EXOC6: variants seen among roughly 807,000 people sequenced by gnomAD.
EXOC6 encodes SEC15-like 1.
EXOC6 carries 60 observed loss-of-function variants against 112.5 expected under a neutral mutation model. The observed-to-expected ratio is 0.53, with a 90% CI of 0.43 to 0.66. EXOC6 has a LOEUF of 0.66. Ranked by LOEUF, EXOC6 falls within the 30% of genes least tolerant of loss-of-function variation. The pLI, the probability that EXOC6 is intolerant of heterozygous loss-of-function variation, is 0.00. For synonymous variants in EXOC6, 295 were observed against 308.0 expected, an observed-to-expected ratio of 0.96 and a Z score of 0.44; for missense variants, 855 against 957.1, an observed-to-expected ratio of 0.89 and a Z score of 1.41.
At chr10:92,946,522 C>G (rs1169854618) in intron 13 of EXOC6, among the ~76,000 whole-genome samples, 4 of 152,208 alleles carry the variant, frequency 2.6e-5, no homozygotes, top group African/African-American at 9.6e-5. Context: ...TAAGTGATCT[C>G]TCTGTGTTCA....
chr10:92,959,087 C>T (rs1294995023), intron 17 of EXOC6, among the ~76,000 whole-genome samples: 2 of 151,928 alleles, frequency 1.3e-5, no homozygotes, highest in Non-Finnish European at 2.9e-5. Flanking sequence ...AGTGAAACTC[C>T]GTCTCAAAAA....
upstream of EXOC6, chr10:92,848,483 C>T: frequency 7.9e-7 from 1 of 1,262,952 alleles, no homozygotes. Flanking sequence ...GAGCTCGCCC[C>T]CGTCGTTCCC....
intron 1 of EXOC6, among the ~76,000 whole-genome samples, chr10:92,853,063 A>C (rs188721584): frequency 6.6e-6 from 1 of 152,320 alleles, no homozygotes; most frequent in Admixed American, 6.5e-5. Flanking sequence ...AGGTTGTAGG[A>C]ATCAGGTGGA....
chr10:92,876,081 A>G (rs913724888), intron 1 of EXOC6, among the ~76,000 whole-genome samples: 18 of 152,152 alleles, frequency 1.2e-4, no homozygotes, highest in Admixed American at 1.3e-4. Flanking sequence ...TTATAATGTT[A>G]TAAGTACTCT....
At chr10:93,028,852 A>AG (rs985511597) in intron 20 of EXOC6, among the ~76,000 whole-genome samples, 1 of 151,800 alleles carries the variant, frequency 6.6e-6, no homozygotes, top group African/African-American at 2.4e-5. Flanking sequence ...AAAAAAAAAA[A>AG]AAGAATTTAG....
Position 92,946,133 on chromosome 10 carries a change from A to T in EXOC6, c.1311-2141A>T, listed in dbSNP as rs371834374. On this transcript the variant is annotated intron_variant, in intron 13 of 21. Coordinates refer to ENST00000260762, the MANE Select transcript of EXOC6 (RefSeq NM_019053.6). ...GTGGAACCCCGTCTCTACTAAAAAA[A>T]CAAAAAAAAAAAATTAGCTGGGCGT... 3.3e-5 allele frequency among the ~76,000 whole-genome samples: 5 copies of T among 151,740 alleles called. No homozygotes were observed. The East Asian group carries it at 9.7e-4, about 29-fold the overall frequency.
chr10:92,860,304 T>C (rs1847849696), intron 1 of EXOC6, among the ~76,000 whole-genome samples: 1 of 146,454 alleles, frequency 6.8e-6, no homozygotes, highest in East Asian at 2.1e-4. Context: ...CAGAGTCTTG[T>C]TCTGTAGCCC....
intron 19 of EXOC6, among the ~76,000 whole-genome samples, chr10:93,010,149 T>C (rs1391681576): frequency 2.0e-5 from 3 of 152,186 alleles, no homozygotes; most frequent in Admixed American, 2.0e-4. Context: ...TAGCATATCA[T>C]TACGAATGTC....
chr10:93,028,856 A>G (rs1261236746), intron 20 of EXOC6, among the ~76,000 whole-genome samples: 1 of 148,036 alleles, frequency 6.8e-6, no homozygotes, highest in African/African-American at 2.5e-5. Context: ...AAAAAAAAAG[A>G]ATTTAGAATA....
chr10:92,891,359 G>A (rs1243232187), intron 1 of EXOC6, among the ~76,000 whole-genome samples: 1 of 152,174 alleles, frequency 6.6e-6, no homozygotes, highest in Non-Finnish European at 1.5e-5. Flanking sequence ...AAGAGAATAT[G>A]TCCAAGATCA....
intron 1 of EXOC6, among the ~76,000 whole-genome samples, chr10:92,869,243 TCCTC>T (rs1848323406): frequency 6.6e-6 from 1 of 151,374 alleles, no homozygotes; most frequent in Non-Finnish European, 1.5e-5. Flanking sequence ...GCTTAAGTAA[TCCTC>T]CCTCCTTGGC....
rs933701489 is a variant in EXOC6 at position 92,946,726 on chromosome 10, A to C, written c.1311-1548A>C. ...ACTACTTGTGGTTTTACACCCCCCC[A>C]CACACTAACGCTCACTCCTTGTGCC... On this transcript the variant is annotated intron_variant, in intron 13 of 21. Coordinates refer to ENST00000260762, the MANE Select transcript of EXOC6 (RefSeq NM_019053.6). Among the ~76,000 whole-genome samples, 31 of 152,190 alleles carry C rather than the reference A, an allele frequency of 2.0e-4. No individual in the cohort carries two copies. The East Asian group carries it at 5.0e-3, about 25-fold the overall frequency.
chr10:92,958,277 GA>G (rs1408022558), intron 17 of EXOC6, among the ~76,000 whole-genome samples: 1 of 151,702 alleles, frequency 6.6e-6, no homozygotes, highest in African/African-American at 2.4e-5. Flanking sequence ...CAGTATAGAA[GA>G]AAAAAAATGG....
intron 17 of EXOC6, among the ~76,000 whole-genome samples, chr10:92,958,457 C>A (rs372591375): frequency 6.6e-6 from 1 of 152,164 alleles, no homozygotes; most frequent in Non-Finnish European, 1.5e-5. Context: ...AGAAGAAATG[C>A]ACTTCTGATT....
rs767750124 is a variant in EXOC6, at chr10:92,974,238, T to C, written c.1953+6T>C. On this transcript the variant is annotated splice_donor_region_variant and intron_variant, in intron 18 of 21. Coordinates refer to ENST00000260762, the MANE Select transcript of EXOC6 (RefSeq NM_019053.6). ...AAGTGTTTACTCATTTGCCTGTAAG[T>C]ATAAAAATTTTCAAAAATTGTTTTA... The C allele has an allele frequency of 6.6e-7, 1 of 1,525,060 alleles. No individual in the cohort carries two copies. The highest frequency in any genetic ancestry group is 8.7e-7 in the Non-Finnish European group (1 of 1,145,500). 94.5% of individuals were successfully genotyped at this position (1,525,060 alleles called of 1,614,324 possible).
chr10:92,963,094 T>C (rs1277232812), intron 17 of EXOC6, among the ~76,000 whole-genome samples: 2 of 152,222 alleles, frequency 1.3e-5, no homozygotes, highest in Non-Finnish European at 2.9e-5. Flanking sequence ...GCTGAAGTTA[T>C]ATTCAGACAT....
chr10:92,884,767 A>G (rs1020382074), intron 1 of EXOC6, among the ~76,000 whole-genome samples: 2 of 152,200 alleles, frequency 1.3e-5, no homozygotes, highest in African/African-American at 4.8e-5. Context: ...AAGATACCCA[A>G]AATAGTGTAA....
chr10:92,880,701 T>A (rs1240475636), intron 1 of EXOC6, among the ~76,000 whole-genome samples: 1 of 152,102 alleles, frequency 6.6e-6, no homozygotes, highest in African/African-American at 2.4e-5. Flanking sequence ...TTATCCAGTA[T>A]AGCTATTTAT....
chr10:92,892,665 G>A (rs938873235), intron 1 of EXOC6, among the ~76,000 whole-genome samples: 20 of 152,212 alleles, frequency 1.3e-4, no homozygotes, highest in African/African-American at 4.8e-4. Flanking sequence ...AGTGGCAAGG[G>A]TAGTCCTTTA....
Sources: gnomAD v4.1 joint callset for allele counts (sites outside exome capture counted in the v4.1 genomes callset) on GRCh38, gnomAD v4.1.1 for gene constraint, MANE v1.5 for transcripts, NCBI Gene and HGNC (gene_info 2026-07-23, HGNC 2026-07-21) for gene names.